PDE1A: variants seen among roughly 807,000 people sequenced by gnomAD.
The protein encoded by PDE1A is dual specificity calcium/calmodulin-dependent 3',5'-cyclic nucleotide phosphodiesterase 1A.
Under a neutral mutation model 61.7 loss-of-function variants are expected in PDE1A, and 35 were observed. The observed-to-expected ratio is 0.57, with a 90% CI of 0.43 to 0.75. The LOEUF is 0.75. Ranked by LOEUF, PDE1A falls within the 30% of genes least tolerant of loss-of-function variation. The pLI, the probability that PDE1A is intolerant of heterozygous loss-of-function variation, is 0.00. For missense variants in PDE1A, 597 were observed against 630.6 expected (o/e 0.95, Z 0.57); for synonymous variants, 232 against 213.2 (o/e 1.09, Z -0.77).
chr2:182,210,363 T>G (rs904321675), intron 7 of PDE1A, among the ~76,000 whole-genome samples: 3 of 152,228 alleles, frequency 2.0e-5, no homozygotes, highest in Non-Finnish European at 4.4e-5. Context: ...TATTGATCTA[T>G]TTGGTATCTC....
the PDE1A span, among the ~76,000 whole-genome samples, chr2:182,685,041 C>G: frequency 3.3e-5 from 5 of 150,474 alleles, no homozygotes; most frequent in African/African-American, 1.2e-4. Context: ...TTAATAATAG[C>G]AGCACTGTGG....
At chr2:182,401,076 C>G (rs1321017188) in intron 1 of PDE1A, among the ~76,000 whole-genome samples, 1 of 152,144 alleles carries the variant, frequency 6.6e-6, no homozygotes. Flanking sequence ...GGATTCACAG[C>G]TGAATTCTAT....
At chr2:182,618,093 G>A in the PDE1A span, among the ~76,000 whole-genome samples, 3 of 152,000 alleles carry the variant, frequency 2.0e-5, no homozygotes, top group East Asian at 1.9e-4. Flanking sequence ...CTAATGTCAC[G>A]GACATTGTGT....
At chr2:182,495,955 C>T (rs1688687259) in intron 2 of PDE1A, among the ~76,000 whole-genome samples, 1 of 152,186 alleles carries the variant, frequency 6.6e-6, no homozygotes, top group Non-Finnish European at 1.5e-5. Context: ...CTTTACAAGG[C>T]TTGTATGGAG....
chr2:182,291,590 A>T (rs370597533), intron 1 of PDE1A, among the ~76,000 whole-genome samples: 8 of 152,238 alleles, frequency 5.3e-5, no homozygotes, highest in African/African-American at 1.9e-4. Context: ...AAAATATACC[A>T]ATTCCCTCTG....
chr2:182,255,378 G>A (rs1691698368), intron 2 of PDE1A, among the ~76,000 whole-genome samples: 1 of 152,106 alleles, frequency 6.6e-6, no homozygotes, highest in Non-Finnish European at 1.5e-5. Context: ...TGCCAAAGGA[G>A]CACACATGAG....
chr2:182,201,808 G>A lies in PDE1A; in HGVS notation c.903-19C>T. ...AAGATCCCTGCAGAGTCACCAAAAG[G>A]AGAAAGGTTCATTCAGCCATTTATT... is the stretch of plus-strand genomic sequence containing the variant. On this transcript the variant is annotated intron_variant, in intron 8 of 13. Transcript: ENST00000351439. 1.3e-6 allele frequency: 2 copies of A among 1,490,990 alleles called. No individual in the cohort carries two copies. The highest frequency in any genetic ancestry group is 1.8e-6 in the Non-Finnish European group (2 of 1,084,630). The allele number at this position is 1,490,990 out of a possible 1,614,324, so 92.4% of individuals were successfully genotyped here.
At chr2:182,411,643 C>T (rs1362788395) in intron 1 of PDE1A, among the ~76,000 whole-genome samples, 1 of 152,112 alleles carries the variant, frequency 6.6e-6, no homozygotes, top group South Asian at 2.1e-4. Flanking sequence ...CAATGGTTCT[C>T]AATTGGTCAT....
the PDE1A span, among the ~76,000 whole-genome samples, chr2:182,587,284 C>A: frequency 5.4e-4 from 82 of 152,212 alleles, no homozygotes; most frequent in African/African-American, 1.9e-3. Flanking sequence ...GGGTCCCCTG[C>A]CCTGACTCTT....
At chr2:182,211,025 G>T (rs1300483196) in intron 7 of PDE1A, among the ~76,000 whole-genome samples, 1 of 152,144 alleles carries the variant, frequency 6.6e-6, no homozygotes, top group Non-Finnish European at 1.5e-5. Flanking sequence ...ATAGTAGAAA[G>T]GCAGAGAGTG....
intron 2 of PDE1A, among the ~76,000 whole-genome samples, chr2:182,494,298 C>CA (rs36076255): frequency 0.42 from 61,533 of 146,846 alleles, 12,727 homozygotes; most frequent in African/African-American, 0.47. Flanking sequence ...TTGGATTCTA[C>CA]AAAAAAAAAA....
chr2:182,401,261 C>T (rs528290511), intron 1 of PDE1A, among the ~76,000 whole-genome samples: 21 of 152,152 alleles, frequency 1.4e-4, no homozygotes, highest in African/African-American at 4.8e-4. Context: ...AACATCGATG[C>T]GAAAATCCTC....
the PDE1A span, among the ~76,000 whole-genome samples, chr2:182,663,458 G>A: frequency 1.3e-5 from 2 of 152,186 alleles, no homozygotes; most frequent in East Asian, 1.9e-4. Context: ...ATAAGAAAAT[G>A]TGGTACATAT....
the PDE1A span, among the ~76,000 whole-genome samples, chr2:182,678,120 C>A: frequency 6.6e-6 from 1 of 152,124 alleles, no homozygotes; most frequent in African/African-American, 2.4e-5. Flanking sequence ...TTAGTTGTAA[C>A]GCCATTAAGA....
chr2:182,231,093 A>C, exon 5 of PDE1A: 1 of 1,607,040 alleles, frequency 6.2e-7, no homozygotes, highest in Non-Finnish European at 8.5e-7. Context: ...CACTTGCTTC[A>C]TTTAGGGCAA....
intron 2 of PDE1A, among the ~76,000 whole-genome samples, chr2:182,490,980 CAT>C: frequency 6.6e-6 from 1 of 151,936 alleles, no homozygotes; most frequent in East Asian, 1.9e-4. Flanking sequence ...GGGAAGGAAG[CAT>C]CTGAGGTTTG....
chr2:182,154,177 C>A (rs1690940068), intron 13 of PDE1A, among the ~76,000 whole-genome samples: 1 of 152,100 alleles, frequency 6.6e-6, no homozygotes, highest in African/African-American at 2.4e-5. Context: ...ACAACAACAA[C>A]AACAAAACAA....
chr2:182,681,868 C>T, the PDE1A span, among the ~76,000 whole-genome samples: 3 of 151,556 alleles, frequency 2.0e-5, no homozygotes, highest in African/African-American at 7.3e-5. Flanking sequence ...GGATGGTCTC[C>T]ATCTCCTGAC....
At chr2:182,660,397 C>T in the PDE1A span, among the ~76,000 whole-genome samples, 1 of 152,174 alleles carries the variant, frequency 6.6e-6, no homozygotes, top group Non-Finnish European at 1.5e-5. Context: ...GATCCCATTG[C>T]CCCTCATCCT....
Sources: allele counts gnomAD v4.1 joint callset (sites outside exome capture counted in the v4.1 genomes callset), GRCh38; gene constraint gnomAD v4.1.1; transcripts MANE v1.5; gene names NCBI Gene and HGNC (gene_info 2026-07-23, HGNC 2026-07-21).